Variants in ADCY2 observed in about 807,000 individuals in gnomAD.
ADCY2 encodes adenylate cyclase 2, also known as adenylate cyclase type 2.
In ADCY2, 31 loss-of-function variants were observed where a neutral mutation model predicts 125.2. The observed-to-expected ratio is 0.25, with a 90% CI of 0.19 to 0.33. The LOEUF is 0.33. ADCY2 is among the 10% of genes least tolerant of loss of function. ADCY2 has a pLI of 1.00. For synonymous variants in ADCY2, 512 were observed against 548.4 expected (o/e 0.93, Z 0.93); for missense variants, 904 against 1,418.2 (o/e 0.64, Z 5.82).
At chr5:7,770,968 T>C (rs1230009199) in intron 17 of ADCY2, among the ~76,000 whole-genome samples, 4 of 152,224 alleles carry the variant, frequency 2.6e-5, no homozygotes, top group Non-Finnish European at 5.9e-5. Context: ...TATTTCGTTA[T>C]ATTCAACAGA....
intron 4 of ADCY2, among the ~76,000 whole-genome samples, chr5:7,650,028 ATTC>A (rs1177829317): frequency 1.3e-5 from 2 of 152,114 alleles, no homozygotes; most frequent in Non-Finnish European, 1.5e-5. Flanking sequence ...CCAAGCCAGC[ATTC>A]TTCTCCCTGG....
chr5:7,636,499 T>C (rs1222060421), intron 4 of ADCY2, among the ~76,000 whole-genome samples: 6 of 152,138 alleles, frequency 3.9e-5, no homozygotes, highest in African/African-American at 1.4e-4. Context: ...AGGGAGGTGG[T>C]TACCAGAAGG....
At chr5:7,577,534 G>T (rs914003753) in intron 3 of ADCY2, among the ~76,000 whole-genome samples, 1 of 152,144 alleles carries the variant, frequency 6.6e-6, no homozygotes, top group African/African-American at 2.4e-5. Flanking sequence ...ATTTGGCACT[G>T]GGGGTGGAGC....
At chr5:7,506,477 A>G (rs1743817090) in intron 2 of ADCY2, among the ~76,000 whole-genome samples, 1 of 152,196 alleles carries the variant, frequency 6.6e-6, no homozygotes. Flanking sequence ...AAAAAGAAAG[A>G]TAAATAAAAA....
chr5:7,672,845 G>A (rs1167042943), intron 4 of ADCY2, among the ~76,000 whole-genome samples: 1 of 152,106 alleles, frequency 6.6e-6, no homozygotes, highest in Non-Finnish European at 1.5e-5. Context: ...AGGCCATGGT[G>A]CTCAAGGCCT....
intron 15 of ADCY2, among the ~76,000 whole-genome samples, chr5:7,745,905 G>C (rs1052665698): frequency 9.2e-5 from 14 of 152,136 alleles, no homozygotes; most frequent in African/African-American, 3.1e-4. Flanking sequence ...AGAGCTGGGG[G>C]CAGAAAAAAA....
chr5:7,631,089 C>T (rs1342810732), intron 4 of ADCY2, among the ~76,000 whole-genome samples: 2 of 152,204 alleles, frequency 1.3e-5, no homozygotes, highest in Non-Finnish European at 2.9e-5. Flanking sequence ...CTGAGCCCGG[C>T]CTGTCTCTGA....
At position 7,674,986 on chromosome 5, in the gene ADCY2, T is replaced by C. The variant is rs374182545; in HGVS notation, c.721-15705T>C. On this transcript the variant is annotated intron_variant, in intron 4 of 24. Coordinates refer to ENST00000338316, the MANE Select transcript of ADCY2 (RefSeq NM_020546.3). Reference sequence around the variant, plus strand: ...CTGGCTAACATGGTGAAACTCCGTCTCTACTAAAAATACAAAAAATTAGCT... The same window carrying C: ...CTGGCTAACATGGTGAAACTCCGTCCCTACTAAAAATACAAAAAATTAGCT... Among the ~76,000 whole-genome samples, 22 of 152,136 alleles carry C rather than the reference T, an allele frequency of 1.4e-4. No individual in the cohort carries two copies. The East Asian group carries it at 4.3e-3, about 30-fold the overall frequency.
intron 3 of ADCY2, among the ~76,000 whole-genome samples, chr5:7,570,020 T>C (rs1203822268): frequency 6.6e-6 from 1 of 152,150 alleles, no homozygotes; most frequent in Non-Finnish European, 1.5e-5. Flanking sequence ...GTATCATTGA[T>C]TTTCTAAAAG....
intron 2 of ADCY2, among the ~76,000 whole-genome samples, chr5:7,464,046 GT>G (rs1473147834): frequency 6.6e-6 from 1 of 152,156 alleles, no homozygotes; most frequent in East Asian, 1.9e-4. Context: ...TAAATCAATA[GT>G]TTTTTAGGAA....
chr5:7,670,211 G>A (rs1164758446), intron 4 of ADCY2, among the ~76,000 whole-genome samples: 1 of 152,172 alleles, frequency 6.6e-6, no homozygotes, highest in Non-Finnish European at 1.5e-5. Flanking sequence ...GTGGCACTGA[G>A]GGCCTTTCAG....
At chr5:7,769,092 G>T (rs921895119) in intron 17 of ADCY2, among the ~76,000 whole-genome samples, 1 of 152,170 alleles carries the variant, frequency 6.6e-6, no homozygotes, top group Non-Finnish European at 1.5e-5. Context: ...GTGGTATAAA[G>T]TGATATAACT....
At chr5:7,570,406 C>A (rs1273571229) in intron 3 of ADCY2, among the ~76,000 whole-genome samples, 1 of 152,056 alleles carries the variant, frequency 6.6e-6, no homozygotes, top group East Asian at 1.9e-4. Context: ...TTTCATGTAA[C>A]CACTGAAATT....
rs1305198538 is a variant in ADCY2 at position 7,709,713 on chromosome 5, G to C, written c.1578+326G>C. Among the ~76,000 whole-genome samples, 1 of 152,210 alleles carries C rather than the reference G, an allele frequency of 6.6e-6. No individual in the cohort carries two copies. Among genetic ancestry groups the C allele is most frequent in the South Asian group, 2.1e-4 (1 of 4,830 alleles). On this transcript the variant is annotated intron_variant, in intron 10 of 24. Transcript: ENST00000338316. This position sits in a 1 kb window ranked among gnomAD's most constrained non-coding sequence, Gnocchi z 4.4. ...AAAAACTTCTATCATGAAGTAGAAA[G>C]CCTTGAGGTTCTTAATAAAAAGACA... is the stretch of plus-strand genomic sequence containing the variant.
intron 16 of ADCY2, among the ~76,000 whole-genome samples, chr5:7,759,640 G>A (rs78074966): frequency 0.016 from 2,479 of 152,322 alleles, 58 homozygotes; most frequent in African/African-American, 0.057. Context: ...TCCCTCTGGG[G>A]GAGGAGGCCT....
chr5:7,690,856 G>T lies in ADCY2; in HGVS notation c.869+17G>T. The stretch of plus-strand genomic sequence containing the variant: ...AAACGTGAGGTACGACGCTATGCTT[G>T]CTCCTTGGCTGGTCTGGGAGTCTGC... On this transcript the variant is annotated intron_variant, in intron 5 of 24. Coordinates refer to ENST00000338316, the MANE Select transcript of ADCY2 (RefSeq NM_020546.3). The T allele has an allele frequency of 1.3e-6, 2 of 1,529,492 alleles. No individual in the cohort carries two copies. Among genetic ancestry groups the T allele is most frequent in the Non-Finnish European group, 1.8e-6 (2 of 1,139,986 alleles). 94.7% of individuals were successfully genotyped at this position (1,529,492 alleles called of 1,614,324 possible).
chr5:7,563,474 G>A (rs981337529), intron 3 of ADCY2, among the ~76,000 whole-genome samples: 2 of 151,232 alleles, frequency 1.3e-5, no homozygotes, highest in African/African-American at 2.4e-5. Flanking sequence ...CGTTTTTTTG[G>A]AATCACTTGC....
At position 7,707,748 on chromosome 5, in the gene ADCY2, C is replaced by G; in HGVS notation, c.1311C>G (p.Gly437=). ...CTGTCACCCTGGAGCACTTGAATGG[C>G]GCTTATAAAGTGGAGGAGGGAGATG... The part of the protein sequence containing the change: ...ISSVTLEHLN[G]AYKVEEGDGD... The change falls in exon 9 of 25, where the codon GGC becomes GGG. Residue 437 remains glycine (G), a synonymous_variant. Coordinates refer to ENST00000338316, the MANE Select transcript of ADCY2 (RefSeq NM_020546.3). 1 of 1,613,968 alleles carries G rather than the reference C, an allele frequency of 6.2e-7. No individual in the cohort carries two copies. The highest frequency in any genetic ancestry group is 1.6e-4 in the Middle Eastern group (1 of 6,062).
intron 3 of ADCY2, among the ~76,000 whole-genome samples, chr5:7,553,842 G>T (rs938803290): frequency 6.6e-6 from 1 of 152,106 alleles, no homozygotes; most frequent in African/African-American, 2.4e-5. Context: ...CCTTACCCAG[G>T]GTGTTCCCAG....
Sources: gnomAD v4.1 joint callset for allele counts (sites outside exome capture counted in the v4.1 genomes callset) on GRCh38, gnomAD v4.1.1 for gene constraint, Gnocchi (gnomAD v3.1) non-coding constraint, MANE v1.5 for transcripts, NCBI Gene and HGNC (gene_info 2026-07-23, HGNC 2026-07-21) for gene names.